ATG7: variants seen among roughly 807,000 people sequenced by gnomAD.
The protein encoded by ATG7 is autophagy related 7.
ATG7 carries 70 observed loss-of-function variants against 82.4 expected under a neutral mutation model. That is an observed-to-expected ratio of 0.85 (90% CI 0.70 to 1.04). ATG7 has a LOEUF of 1.04. Among genes scored for constraint, ATG7 ranks in the 50% least tolerant of loss-of-function variants. The pLI is 0.00. For missense variants in ATG7, 792 were observed against 864.3 expected (o/e 0.92, Z 1.05); for synonymous variants, 287 against 313.0 (o/e 0.92, Z 0.88).
intron 9 of ATG7, among the ~76,000 whole-genome samples, chr3:11,323,550 A>G (rs1333700342): frequency 6.6e-6 from 1 of 152,238 alleles, no homozygotes; most frequent in Admixed American, 6.5e-5. Flanking sequence ...ATTACATTAA[A>G]AATAGCTCAT....
intron 19 of ATG7, among the ~76,000 whole-genome samples, chr3:11,407,831 C>T (rs1170062720): frequency 6.6e-6 from 1 of 152,184 alleles, no homozygotes; most frequent in Non-Finnish European, 1.5e-5. Context: ...AGCACAGGGA[C>T]CCTGGGCTCA....
intron 5 of ATG7, among the ~76,000 whole-genome samples, chr3:11,306,067 G>A (rs76808658): frequency 0.015 from 2,325 of 152,272 alleles, 59 homozygotes; most frequent in African/African-American, 0.052. Context: ...ATCTGAATTC[G>A]TATTCAGAAT....
chr3:11,348,080 GTTT>G (rs1312562494), intron 14 of ATG7, 45 bp downstream of exon 14: 8 of 1,564,228 alleles, frequency 5.1e-6, no homozygotes, highest in African/African-American at 1.4e-5. Flanking sequence ...ATGTATAAAT[GTTT>G]AAGTCTTGGG....
chr3:11,353,946 C>T (rs1243553654), intron 14 of ATG7, among the ~76,000 whole-genome samples: 1 of 152,212 alleles, frequency 6.6e-6, no homozygotes, highest in Non-Finnish European at 1.5e-5. Context: ...TACCCTGCTT[C>T]TTCTGGGTGA....
chr3:11,471,763 A>ATTTTTTTTTT, intron 20 of ATG7, among the ~76,000 whole-genome samples: 1 of 9,890 alleles, frequency 1.0e-4, no homozygotes, highest in Non-Finnish European at 2.2e-4. Context: ...TTTTTTTTTG[A>ATTTTTTTTTT]AATGTAGTCT....
At chr3:11,497,143 G>A (rs889775171) in intron 20 of ATG7, among the ~76,000 whole-genome samples, 6 of 151,404 alleles carry the variant, frequency 4.0e-5, no homozygotes, top group African/African-American at 1.5e-4. Flanking sequence ...GAGCCCCCAC[G>A]CCCAGCCCCT....
intron 20 of ATG7, among the ~76,000 whole-genome samples, chr3:11,500,335 A>G (rs1008909429): frequency 3.9e-5 from 6 of 152,238 alleles, no homozygotes; most frequent in Non-Finnish European, 7.3e-5. Flanking sequence ...GTATTAATTG[A>G]TGAACCTTCT....
chr3:11,499,755 A>G (rs1164063898), intron 20 of ATG7, among the ~76,000 whole-genome samples: 1 of 151,806 alleles, frequency 6.6e-6, no homozygotes, highest in Non-Finnish European at 1.5e-5. Flanking sequence ...CTCAAAAAAA[A>G]AAAAAAAAGA....
rs113923893 is a variant in ATG7 at position 11,370,855 on chromosome 3, G to GT, written c.1875+6131dup. ...TGTTGAGTTTTTGTTCGGGAGTTTT[G>GT]TTTTTTTTTTAATTCCTCTAGCCTC... On this transcript the variant is annotated intron_variant, in intron 18 of 20. Coordinates refer to ENST00000693202, the MANE Select transcript of ATG7 (RefSeq NM_001349232.2). Among the ~76,000 whole-genome samples, 56 of 147,356 alleles carry GT rather than the reference G, an allele frequency of 3.8e-4. 1 individual carries two copies. Among genetic ancestry groups the GT allele is most frequent in the African/African-American group, 8.8e-4 (35 of 39,980 alleles).
intron 19 of ATG7, among the ~76,000 whole-genome samples, chr3:11,387,772 C>T (rs1169848489): frequency 1.3e-5 from 2 of 151,914 alleles, no homozygotes; most frequent in Non-Finnish European, 2.9e-5. Flanking sequence ...AGATTGAGAC[C>T]ATCCTGGCTA....
At chr3:11,347,788 C>G (rs1954777895) in intron 13 of ATG7, 89 bp from the exon 14 acceptor site, 5 of 1,401,562 alleles carry the variant, frequency 3.6e-6, no homozygotes, top group Admixed American at 2.7e-5. Context: ...CCAAGCTTCT[C>G]CAAACCAATA....
chr3:11,546,130 T>C (rs556599445), intron 20 of ATG7, among the ~76,000 whole-genome samples: 1 of 149,316 alleles, frequency 6.7e-6, no homozygotes, highest in Admixed American at 6.7e-5. Flanking sequence ...AGTGAGGCCC[T>C]GTCTCAAAAA....
In ATG7 at chr3:11,364,565, A is replaced by G. The variant is rs77575555; in HGVS notation, c.1800-94A>G. On this transcript the variant is annotated intron_variant, in intron 17 of 20. Transcript: ENST00000693202. ...CTGCCCAGCAAGGGGCATTTTAGTT[A>G]TCCTTATGAATCTTATGTAGATTTC... The G allele has an allele frequency of 3.0e-4, 416 of 1,395,208 alleles. No individual in the cohort carries two copies. The African/African-American group carries it at 5.5e-3, about 18-fold the overall frequency. The allele number at this position is 1,395,208 out of a possible 1,614,324, so 86.4% of individuals were successfully genotyped here.
chr3:11,564,868 T>C, the ATG7 span: 18 of 1,609,228 alleles, frequency 1.1e-5, no homozygotes, highest in African/African-American at 2.3e-4. Context: ...CTGTTCTTGG[T>C]CAGTGCGAGG....
chr3:11,459,974 A>G (rs1468672784), intron 20 of ATG7, among the ~76,000 whole-genome samples: 1 of 152,230 alleles, frequency 6.6e-6, no homozygotes, highest in Non-Finnish European at 1.5e-5. Flanking sequence ...CCACTGCACC[A>G]TACTGCCTCT....
At chr3:11,380,130 G>A in intron 19 of ATG7, 78 bp downstream of exon 19, 2 of 1,428,336 alleles carry the variant, frequency 1.4e-6, no homozygotes, top group Non-Finnish European at 2.0e-6. Context: ...ACCAGCTGGA[G>A]CCCTTGAAAC....
intron 19 of ATG7, among the ~76,000 whole-genome samples, chr3:11,411,619 C>CAAAACAAAAA (rs2080906140): frequency 1.4e-5 from 1 of 71,766 alleles, no homozygotes; most frequent in Non-Finnish European, 2.9e-5. Context: ...ACTCTGTCTC[C>CAAAACAAAAA]AAAAAAAAAA....
downstream of ATG7, among the ~76,000 whole-genome samples, chr3:11,560,371 G>A (rs1352610247): frequency 6.6e-6 from 1 of 152,212 alleles, no homozygotes; most frequent in Non-Finnish European, 1.5e-5. Flanking sequence ...CAAGGTGGTG[G>A]AGTATGTGGG....
chr3:11,326,646 G>A (rs192305522), intron 9 of ATG7, among the ~76,000 whole-genome samples: 156 of 152,288 alleles, frequency 1.0e-3, no homozygotes, highest in South Asian at 3.9e-3. Flanking sequence ...AAGTTGAAGC[G>A]ACGATTGCTA....
Sources: allele counts gnomAD v4.1 joint callset (sites outside exome capture counted in the v4.1 genomes callset), GRCh38; gene constraint gnomAD v4.1.1; transcripts MANE v1.5; gene names NCBI Gene and HGNC (gene_info 2026-07-23, HGNC 2026-07-21).